BBX: variants seen among roughly 807,000 people sequenced by gnomAD.
BBX encodes BBX high mobility group box domain containing.
BBX carries 30 observed loss-of-function variants against 100.2 expected under a neutral mutation model. That is an observed-to-expected ratio of 0.30 (90% CI 0.22 to 0.41). The LOEUF (loss-of-function observed/expected upper bound fraction) is 0.41. BBX is among the 10% of genes least tolerant of loss of function. The pLI is 1.00. For synonymous variants in BBX, 376 were observed against 388.1 expected (o/e 0.97, Z 0.37); for missense variants, 1,023 against 1,129.8 (o/e 0.91, Z 1.35).
intron 7 of BBX, among the ~76,000 whole-genome samples, chr3:107,743,935 T>G (rs1386171566): frequency 7.4e-5 from 11 of 149,034 alleles, no homozygotes; most frequent in African/African-American, 2.7e-4. Flanking sequence ...TTTTTTTTTT[T>G]TTTTTTTTCA....
intron 2 of BBX, among the ~76,000 whole-genome samples, chr3:107,545,105 T>A (rs1416766995): frequency 2.6e-5 from 4 of 152,180 alleles, no homozygotes; most frequent in Non-Finnish European, 1.5e-5. Flanking sequence ...TTGACAAAAG[T>A]CTTTACATTC....
chr3:107,696,039 C>T (rs563247798), intron 3 of BBX, among the ~76,000 whole-genome samples: 23 of 151,706 alleles, frequency 1.5e-4, no homozygotes, highest in East Asian at 1.3e-3. Flanking sequence ...TTTTGTCTTC[C>T]ATTGGCTTGG....
Position 107,658,402 on chromosome 3 carries a change from A to G in BBX, c.-10+12493A>G, listed in dbSNP as rs540939128. 3.9e-5 allele frequency among the ~76,000 whole-genome samples: 6 copies of G among 152,284 alleles called. No individual in the cohort carries two copies. In the East Asian group the frequency reaches 1.2e-3, roughly 29 times the overall value. On this transcript the variant is annotated intron_variant, in intron 3 of 17. Coordinates refer to ENST00000325805, the MANE Select transcript of BBX (RefSeq NM_001142568.3). Reference sequence around the variant, plus strand: ...ACAAATACTTTCAAATGCCTTACTCATAAGTCTTATATTTATTATAATTGG... The same window carrying G: ...ACAAATACTTTCAAATGCCTTACTCGTAAGTCTTATATTTATTATAATTGG...
At chr3:107,613,788 T>C (rs1227400472) in intron 2 of BBX, among the ~76,000 whole-genome samples, 1 of 152,086 alleles carries the variant, frequency 6.6e-6, no homozygotes, top group Non-Finnish European at 1.5e-5. Context: ...TTCTAAAGCT[T>C]CCAACAAATT....
intron 3 of BBX, among the ~76,000 whole-genome samples, chr3:107,678,482 G>A (rs1403343624): frequency 6.6e-6 from 1 of 152,076 alleles, no homozygotes; most frequent in Non-Finnish European, 1.5e-5. Flanking sequence ...CACTTTGGGA[G>A]GCAAGCCGAA....
intron 2 of BBX, among the ~76,000 whole-genome samples, chr3:107,627,089 G>T (rs1014224434): frequency 1.3e-5 from 2 of 152,128 alleles, no homozygotes; most frequent in African/African-American, 4.8e-5. Flanking sequence ...GTATTTTACT[G>T]CTTACACGGG....
chr3:107,738,822 T>C (rs149097581), intron 7 of BBX, among the ~76,000 whole-genome samples: 5 of 152,188 alleles, frequency 3.3e-5, no homozygotes, highest in African/African-American at 4.8e-5. Flanking sequence ...ACAGTTGACA[T>C]TGAGTATCTC....
At position 107,801,205 on chromosome 3, in the gene BBX, C is replaced by G; in HGVS notation, c.2662C>G (p.Pro888Ala). The G allele has an allele frequency of 6.2e-7, 1 of 1,614,206 alleles. No homozygotes were observed. Among genetic ancestry groups the G allele is most frequent in the Non-Finnish European group, 8.5e-7 (1 of 1,180,038 alleles). The change falls in exon 17 of 18, where the codon CCA (proline) becomes GCA (alanine). Residue 888 changes from proline (P) to alanine (A), a missense_variant. By Grantham distance (27) the Pro-to-Ala change is conservative. Around this residue, in one of 9 missense-constraint regions of BBX, gnomAD observed 104 missense variants for 132.2 expected, o/e 0.79. Transcript: ENST00000325805. ...GGTCGGGGAGACGCGGAGCAGTACT[C>G]CAGAAATGCCTGCCGTGTCTGCGTT... ...TEVGETRSST[P>A]EMPAVSAFFS...
At chr3:107,722,888 T>C (rs576970552) in intron 5 of BBX, among the ~76,000 whole-genome samples, 7 of 152,152 alleles carry the variant, frequency 4.6e-5, no homozygotes, top group Middle Eastern at 3.4e-3. Context: ...GTACCACTTA[T>C]CAGATAATTC....
intron 2 of BBX, among the ~76,000 whole-genome samples, chr3:107,593,708 G>A (rs764029693): frequency 3.9e-5 from 6 of 152,112 alleles, no homozygotes; most frequent in Non-Finnish European, 8.8e-5. Context: ...ACCTAATTCC[G>A]CCCAAGGGAA....
intron 2 of BBX, among the ~76,000 whole-genome samples, chr3:107,612,803 C>T (rs976595896): frequency 6.6e-6 from 1 of 152,232 alleles, no homozygotes; most frequent in African/African-American, 2.4e-5. Context: ...ATAGTCAAGG[C>T]AGGCAGTCTT....
At chr3:107,783,174 C>G (rs2068073009) in intron 13 of BBX, among the ~76,000 whole-genome samples, 1 of 152,074 alleles carries the variant, frequency 6.6e-6, no homozygotes, top group African/African-American at 2.4e-5. Context: ...TTTTTCACTT[C>G]TTGACTCTAA....
chr3:107,561,125 C>G (rs527513510), intron 2 of BBX, among the ~76,000 whole-genome samples: 6 of 152,146 alleles, frequency 3.9e-5, no homozygotes, highest in African/African-American at 7.2e-5. Flanking sequence ...GGTTGAGAAC[C>G]AGCATGCTAG....
intron 15 of BBX, among the ~76,000 whole-genome samples, chr3:107,797,695 G>A (rs2069890795): frequency 6.6e-6 from 1 of 152,070 alleles, no homozygotes; most frequent in South Asian, 2.1e-4. Context: ...AAGAAAATGA[G>A]TATGTAAGAA....
intron 3 of BBX, among the ~76,000 whole-genome samples, chr3:107,648,158 G>A (rs930057056): frequency 1.3e-5 from 2 of 151,996 alleles, no homozygotes; most frequent in African/African-American, 4.8e-5. Flanking sequence ...GAAGTTCTTC[G>A]GTAAATTAAT....
At chr3:107,555,084 A>G (rs2107447573) in intron 2 of BBX, among the ~76,000 whole-genome samples, 1 of 152,128 alleles carries the variant, frequency 6.6e-6, no homozygotes, top group African/African-American at 2.4e-5. Flanking sequence ...AACAACAACA[A>G]CAACAACAAC....
intron 7 of BBX, among the ~76,000 whole-genome samples, chr3:107,737,884 G>GGTTTTTTT (rs2063743766): frequency 2.0e-5 from 1 of 48,886 alleles, no homozygotes; most frequent in Non-Finnish European, 3.4e-5. Flanking sequence ...CAGAGTTCCA[G>GGTTTTTTT]TTTTTTTTTT....
chr3:107,803,752 A>G (rs578248314), intron 17 of BBX, among the ~76,000 whole-genome samples: 6 of 152,282 alleles, frequency 3.9e-5, no homozygotes, highest in African/African-American at 1.4e-4. Context: ...GCCAAAGGAA[A>G]GCTTCAGTCA....
intron 2 of BBX, among the ~76,000 whole-genome samples, chr3:107,635,763 G>A (rs1284683410): frequency 2.0e-5 from 3 of 151,080 alleles, no homozygotes; most frequent in Admixed American, 1.3e-4. Flanking sequence ...CCCAGGCTGG[G>A]GTGCAGTGGC....
Sources: allele counts gnomAD v4.1 joint callset (sites outside exome capture counted in the v4.1 genomes callset), GRCh38; gene constraint gnomAD v4.1.1; regional missense constraint gnomAD v4.1.1; transcripts MANE v1.5; gene names NCBI Gene and HGNC (gene_info 2026-07-23, HGNC 2026-07-21).